PIP4K2A: variants seen among roughly 807,000 people sequenced by gnomAD.
PIP4K2A encodes the protein phosphatidylinositol 5-phosphate 4-kinase type-2 alpha.
In PIP4K2A, 14 loss-of-function variants were observed where a neutral mutation model predicts 42.9. That is an observed-to-expected ratio of 0.33 (90% CI 0.22 to 0.51). PIP4K2A has a LOEUF of 0.51. PIP4K2A is among the 20% of genes least tolerant of loss of function. The pLI, the probability that PIP4K2A is intolerant of heterozygous loss-of-function variation, is 0.97. For synonymous variants in PIP4K2A, 192 were observed against 192.2 expected (o/e 1.00, Z 0.01); for missense variants, 434 against 519.8 (o/e 0.83, Z 1.61).
At chr10:22,668,568 G>A (rs1839393524) in intron 1 of PIP4K2A, among the ~76,000 whole-genome samples, 1 of 152,156 alleles carries the variant, frequency 6.6e-6, no homozygotes, top group Admixed American at 6.5e-5. Flanking sequence ...CAAAAGTAAA[G>A]CTCTAAGCTC....
At chr10:22,629,383 C>T (rs1283513775) in intron 1 of PIP4K2A, among the ~76,000 whole-genome samples, 2 of 152,096 alleles carry the variant, frequency 1.3e-5, no homozygotes, top group East Asian at 1.9e-4. Flanking sequence ...AGTCATACCT[C>T]GAGTCATACT....
intron 3 of PIP4K2A, among the ~76,000 whole-genome samples, chr10:22,601,986 C>T (rs536677955): frequency 3.9e-5 from 6 of 152,296 alleles, no homozygotes; most frequent in South Asian, 2.1e-4. Flanking sequence ...CAAGCTGCTC[C>T]GTGCTTTACA....
chr10:22,650,348 C>T lies in PIP4K2A; in HGVS notation c.145-40631G>A, dbSNP rs140451730. 1.9e-3 allele frequency among the ~76,000 whole-genome samples: 290 copies of T among 152,280 alleles called. 1 individual carries two copies. The highest frequency in any genetic ancestry group is 6.6e-3 in the African/African-American group (273 of 41,568). ...ACAGCTCACAGCAACTTCGACTTCC[C>T]GGGCTCAAGGGATCCTCCAGCCTCA... On this transcript the variant is annotated intron_variant, in intron 1 of 9. Coordinates refer to ENST00000376573, the MANE Select transcript of PIP4K2A (RefSeq NM_005028.5).
rs1203769003 is a variant in PIP4K2A, at chr10:22,535,859, A to T, written c.*1342T>A. The T allele has an allele frequency of 8.5e-6, 3 of 351,504 alleles. No homozygotes were observed. Among genetic ancestry groups the T allele is most frequent in the African/African-American group, 6.5e-5 (3 of 46,476 alleles). 21.8% of individuals were successfully genotyped at this position (351,504 alleles called of 1,614,324 possible). On this transcript the variant is annotated 3_prime_UTR_variant, in exon 10 of 10. Coordinates refer to ENST00000376573, the MANE Select transcript of PIP4K2A (RefSeq NM_005028.5). ...GGCGAAATCTCTTTTTAAAAAAATC[A>T]ATCATTAGGTTGATAAATGTACATT...
intron 1 of PIP4K2A, among the ~76,000 whole-genome samples, chr10:22,627,744 T>G (rs1564448356): frequency 6.6e-6 from 1 of 152,106 alleles, no homozygotes; most frequent in African/African-American, 2.4e-5. Context: ...GTGCAAGGTC[T>G]TTTACTGTCA....
chr10:22,623,246 A>G (rs569760727), intron 1 of PIP4K2A, among the ~76,000 whole-genome samples: 2 of 152,224 alleles, frequency 1.3e-5, no homozygotes, highest in African/African-American at 4.8e-5. Context: ...CACAAAGATC[A>G]AGTTTAGGTG....
In PIP4K2A at chr10:22,714,288, C is replaced by T; in HGVS notation, c.39G>A (p.Ala13=). 1 of 1,611,798 alleles carries T rather than the reference C, an allele frequency of 6.2e-7. No homozygotes were observed. Among genetic ancestry groups the T allele is most frequent in the Non-Finnish European group, 8.5e-7 (1 of 1,178,820 alleles). ...GCTTCTTCTTGGTCTTGGTCTTGCT[C>T]GCCAGGACAGAGGACCCTAGGTTGC... is the stretch of plus-strand genomic sequence containing the variant. ...TPGNLGSSVL[A]SKTKTKKKHF... Residue 13 remains alanine, a synonymous_variant, in exon 1 of 10, where the codon GCG becomes GCA. Coordinates refer to ENST00000376573, the MANE Select transcript of PIP4K2A (RefSeq NM_005028.5).
At chr10:22,540,551 C>G (rs1836078233) in intron 8 of PIP4K2A, among the ~76,000 whole-genome samples, 1 of 152,112 alleles carries the variant, frequency 6.6e-6, no homozygotes, top group African/African-American at 2.4e-5. Flanking sequence ...CATACATCCA[C>G]TCCAATGTCT....
chr10:22,674,871 G>A (rs1335405319), intron 1 of PIP4K2A, among the ~76,000 whole-genome samples: 1 of 152,126 alleles, frequency 6.6e-6, no homozygotes, highest in South Asian at 2.1e-4. Context: ...GCTGAGGCAG[G>A]AAGATTGCTT....
chr10:22,664,270 T>C (rs1160933735), intron 1 of PIP4K2A, among the ~76,000 whole-genome samples: 4 of 136,586 alleles, frequency 2.9e-5, no homozygotes, highest in Admixed American at 7.7e-5. Context: ...TACACACACA[T>C]ACACACATAC....
chr10:22,695,481 G>A (rs1014347892), intron 1 of PIP4K2A, among the ~76,000 whole-genome samples: 2 of 152,088 alleles, frequency 1.3e-5, no homozygotes, highest in Admixed American at 6.6e-5. Context: ...GTTTCTCCCA[G>A]TACAATCAAT....
intron 6 of PIP4K2A, among the ~76,000 whole-genome samples, chr10:22,563,665 T>G (rs1371019742): frequency 3.3e-5 from 5 of 152,166 alleles, no homozygotes; most frequent in African/African-American, 1.2e-4. Context: ...TGTGGCATAG[T>G]GGTTAGAAAT....
intron 1 of PIP4K2A, among the ~76,000 whole-genome samples, chr10:22,677,964 T>C (rs749288956): frequency 3.9e-5 from 6 of 152,074 alleles, no homozygotes; most frequent in Non-Finnish European, 8.8e-5. Flanking sequence ...AATCTAAAAA[T>C]ACGAAAACAC....
chr10:22,601,476 G>T (rs1456394626), intron 3 of PIP4K2A, among the ~76,000 whole-genome samples: 1 of 152,212 alleles, frequency 6.6e-6, no homozygotes, highest in Non-Finnish European at 1.5e-5. Context: ...TCAGAGAGGG[G>T]CCTCCCTTGG....
intron 3 of PIP4K2A, among the ~76,000 whole-genome samples, chr10:22,601,260 T>C (rs1305394484): frequency 2.7e-5 from 4 of 148,520 alleles, no homozygotes; most frequent in Admixed American, 2.0e-4. Context: ...CAGCTCTCTG[T>C]CAAAAGCCAC....
chr10:22,655,303 C>T (rs1441431357), intron 1 of PIP4K2A, among the ~76,000 whole-genome samples: 1 of 152,150 alleles, frequency 6.6e-6, no homozygotes, highest in African/African-American at 2.4e-5. Context: ...TAACAGGCAC[C>T]GATCCCTGTC....
intron 1 of PIP4K2A, among the ~76,000 whole-genome samples, chr10:22,698,890 T>C (rs1833651132): frequency 6.6e-6 from 1 of 152,196 alleles, no homozygotes; most frequent in African/African-American, 2.4e-5. Context: ...GAACTTAAAT[T>C]TCACTGAAAC....
intron 6 of PIP4K2A, among the ~76,000 whole-genome samples, chr10:22,554,945 C>T (rs1259700654): frequency 6.6e-6 from 1 of 152,212 alleles, no homozygotes; most frequent in Non-Finnish European, 1.5e-5. Context: ...ACAGGCAGGG[C>T]TGTTTTCTCT....
intron 7 of PIP4K2A, among the ~76,000 whole-genome samples, chr10:22,547,870 C>T (rs756757614): frequency 4.6e-4 from 70 of 152,194 alleles, no homozygotes; most frequent in Admixed American, 2.2e-3. Context: ...TGAAAATACC[C>T]AGCATGGCAT....
Sources: gnomAD v4.1 joint callset for allele counts (sites outside exome capture counted in the v4.1 genomes callset) on GRCh38, gnomAD v4.1.1 for gene constraint, MANE v1.5 for transcripts, NCBI Gene and HGNC (gene_info 2026-07-23, HGNC 2026-07-21) for gene names.